The following NMNAT2 variants were observed in gnomAD, a reference collection of about 807,000 sequenced individuals.
NMNAT2 encodes nicotinamide/nicotinic acid mononucleotide adenylyltransferase 2.
A neutral mutation model predicts 41.6 loss-of-function variants in NMNAT2; 11 were observed. That is an observed-to-expected ratio of 0.26 (90% CI 0.17 to 0.44). The LOEUF (loss-of-function observed/expected upper bound fraction) is 0.44, where lower values mean the gene tolerates loss of function less well. NMNAT2 is among the 20% of genes least tolerant of loss of function. NMNAT2 has a pLI of 1.00. For synonymous variants in NMNAT2, 148 were observed against 151.2 expected, an observed-to-expected ratio of 0.98 and a Z score of 0.16; for missense variants, 288 against 407.7, an observed-to-expected ratio of 0.71 and a Z score of 2.53.
chr1:183,344,025 C>T (rs1263405807), intron 1 of NMNAT2, among the ~76,000 whole-genome samples: 1 of 152,154 alleles, frequency 6.6e-6, no homozygotes. Context: ...ATAATATTCT[C>T]TGTCTAAAAT....
At chr1:183,384,572 G>GC (rs1352570796) in intron 1 of NMNAT2, among the ~76,000 whole-genome samples, 5 of 152,138 alleles carry the variant, frequency 3.3e-5, no homozygotes, top group Admixed American at 1.3e-4. Flanking sequence ...GGGAGAGTCT[G>GC]CCCCCATGAT....
intron 1 of NMNAT2, among the ~76,000 whole-genome samples, chr1:183,307,829 G>A (rs1256084653): frequency 4.6e-5 from 7 of 152,136 alleles, no homozygotes; most frequent in South Asian, 4.1e-4. Context: ...TGATCTGCAC[G>A]CCTCGTCCTC....
chr1:183,288,403 T>C (rs1262702646), intron 4 of NMNAT2, among the ~76,000 whole-genome samples: 2 of 152,150 alleles, frequency 1.3e-5, no homozygotes, highest in African/African-American at 2.4e-5. Flanking sequence ...AGGAAGCAGC[T>C]CCAAGCTCTT....
At chr1:183,326,035 G>A (rs1305925842) in intron 1 of NMNAT2, among the ~76,000 whole-genome samples, 1 of 152,124 alleles carries the variant, frequency 6.6e-6, no homozygotes, top group African/African-American at 2.4e-5. Flanking sequence ...AATCAAGAAA[G>A]GTGGTGTGAG....
intron 10 of NMNAT2, among the ~76,000 whole-genome samples, chr1:183,253,868 G>A (rs1290036425): frequency 6.6e-6 from 1 of 151,842 alleles, no homozygotes; most frequent in African/African-American, 2.4e-5. Context: ...GCAAGTGGTA[G>A]GATCTCCTTT....
chr1:183,292,711 T>C lies in NMNAT2; in HGVS notation c.242+79A>G. On this transcript the variant is annotated intron_variant, in intron 3 of 10. Coordinates refer to ENST00000287713, the MANE Select transcript of NMNAT2 (RefSeq NM_015039.4). The stretch of plus-strand genomic sequence containing the variant: ...ATCCTTTCAGGATCCAAATTACTGC[T>C]GGAACTCTTCTTTTTTCCCCACCCC... 1.5e-6 allele frequency: 2 copies of C among 1,328,910 alleles called. 1 individual carries two copies. The allele number at this position is 1,328,910 out of a possible 1,614,324, so 82.3% of individuals were successfully genotyped here. A position where few individuals can be genotyped will look rare whatever the true frequency, so the allele number is the denominator to read the frequency against.
At chr1:183,281,333 T>C (rs1661261985) in intron 7 of NMNAT2, among the ~76,000 whole-genome samples, 1 of 152,124 alleles carries the variant, frequency 6.6e-6, no homozygotes, top group Non-Finnish European at 1.5e-5. Flanking sequence ...TACTGGCATC[T>C]AGTGGGTGGA....
chr1:183,360,492 C>G (rs1663284651), intron 1 of NMNAT2, among the ~76,000 whole-genome samples: 2 of 152,120 alleles, frequency 1.3e-5, no homozygotes, highest in African/African-American at 4.8e-5. Flanking sequence ...GTCTCCCCTA[C>G]CCATCCACGA....
chr1:183,416,767 G>T (rs372488324), intron 1 of NMNAT2, among the ~76,000 whole-genome samples: 1 of 152,142 alleles, frequency 6.6e-6, no homozygotes, highest in African/African-American at 2.4e-5. Context: ...CCAGTTCAGC[G>T]CACCTTTTAA....
intron 7 of NMNAT2, 99 bp from the exon 8 acceptor site, chr1:183,278,728 C>T (rs1246577724): frequency 1.2e-6 from 1 of 842,924 alleles, no homozygotes; most frequent in African/African-American, 1.7e-5. Flanking sequence ...AACTCTCCCA[C>T]CTTTGGGGAT....
intron 1 of NMNAT2, among the ~76,000 whole-genome samples, chr1:183,301,256 A>G (rs1279349572): frequency 3.3e-5 from 5 of 152,198 alleles, no homozygotes; most frequent in African/African-American, 2.4e-5. Flanking sequence ...AGGTCTGCAG[A>G]TTATATTTTA....
chr1:183,417,222 C>T (rs1361190766), intron 1 of NMNAT2, among the ~76,000 whole-genome samples: 1 of 152,172 alleles, frequency 6.6e-6, no homozygotes, highest in African/African-American at 2.4e-5. Context: ...CTATCGATCA[C>T]CTTTCCCCTA....
chr1:183,317,442 T>G (rs908903256), intron 1 of NMNAT2, among the ~76,000 whole-genome samples: 8 of 152,076 alleles, frequency 5.3e-5, no homozygotes, highest in Non-Finnish European at 1.2e-4. Context: ...AAAATATTTT[T>G]TGTGTGTGTG....
chr1:183,327,054 G>GTATT (rs1380540090), intron 1 of NMNAT2, among the ~76,000 whole-genome samples: 70 of 145,534 alleles, frequency 4.8e-4, no homozygotes, highest in East Asian at 2.4e-3. Flanking sequence ...ATGTATGTAT[G>GTATT]TATGTATTTA....
At chr1:183,380,890 G>C (rs1033228790) in intron 1 of NMNAT2, among the ~76,000 whole-genome samples, 53 of 152,282 alleles carry the variant, frequency 3.5e-4, no homozygotes, top group African/African-American at 1.2e-3. Flanking sequence ...TTGTTGTGCA[G>C]GTAATTGGGA....
At chr1:183,278,404 G>A (rs1661181380) in intron 8 of NMNAT2, 149 bp downstream of exon 8, 1 of 605,046 alleles carries the variant, frequency 1.7e-6, no homozygotes, top group African/African-American at 1.9e-5. Flanking sequence ...TAAAGCTTGG[G>A]GGTAGGTGAG....
intron 1 of NMNAT2, among the ~76,000 whole-genome samples, chr1:183,398,939 A>G (rs1648730225): frequency 6.6e-6 from 1 of 152,224 alleles, no homozygotes; most frequent in African/African-American, 2.4e-5. Flanking sequence ...TATAGCACTA[A>G]ATGCCCACAA....
At chr1:183,306,160 C>T (rs569015517) in intron 1 of NMNAT2, among the ~76,000 whole-genome samples, 1 of 125,928 alleles carries the variant, frequency 7.9e-6, no homozygotes, top group South Asian at 2.9e-4. Context: ...ACTAAAAATC[C>T]CATGTCCTGG....
rs1051510151 is a variant in NMNAT2, at chr1:183,408,130, C to T, written c.85+10053G>A. ...CTCTGGGTAATGGACTTCAACAGCA[C>T]TTCCTATTTTAAGAACACTTTAGAT... On this transcript the variant is annotated intron_variant, in intron 1 of 10. Transcript: ENST00000287713. 2.6e-5 allele frequency among the ~76,000 whole-genome samples: 4 copies of T among 152,326 alleles called. No individual in the cohort carries two copies. In the South Asian group the frequency reaches 6.2e-4, roughly 24 times the overall value.
Sources: allele counts gnomAD v4.1 joint callset (sites outside exome capture counted in the v4.1 genomes callset), GRCh38; gene constraint gnomAD v4.1.1; transcripts MANE v1.5; gene names NCBI Gene and HGNC (gene_info 2026-07-23, HGNC 2026-07-21).